The following KLRD1 variants were observed in gnomAD, a reference collection of about 807,000 sequenced individuals.
KLRD1 encodes the protein killer cell lectin like receptor D1.
KLRD1 carries 21 observed loss-of-function variants against 22.6 expected under a neutral mutation model. The observed-to-expected ratio is 0.93, with a 90% CI of 0.66 to 1.34. The LOEUF is 1.34. Among genes scored for constraint, KLRD1 ranks in the 40% most tolerant of loss-of-function variants. The probability of loss-of-function intolerance (pLI) is 0.00; values close to 1 mark genes in which losing one functional copy is unlikely to be tolerated. For synonymous variants in KLRD1, 59 were observed against 71.1 expected, an observed-to-expected ratio of 0.83 and a Z score of 0.85; for missense variants, 183 against 208.6, an observed-to-expected ratio of 0.88 and a Z score of 0.76.
rs1384293477 is a variant in KLRD1, at chr12:10,253,475, A to G, written c.-101+27242A>G. Among the ~76,000 whole-genome samples the G allele has an allele frequency of 7.9e-5, 12 of 152,166 alleles. 1 individual carries two copies. The South Asian group carries it at 2.5e-3, about 32-fold the overall frequency. On this transcript the variant is annotated intron_variant, in intron 1 of 5. Coordinates refer to the KLRD1 transcript ENST00000544747. Reference sequence around the variant, plus strand: ...GTGAAGGTTTGTTACATGGGTAAACATGTGTCATGGGGGTTTGTTGTACAG... The same window carrying G: ...GTGAAGGTTTGTTACATGGGTAAACGTGTGTCATGGGGGTTTGTTGTACAG...
intron 1 of KLRD1, among the ~76,000 whole-genome samples, chr12:10,256,059 T>A (rs373003416): frequency 6.6e-6 from 1 of 152,124 alleles, no homozygotes; most frequent in East Asian, 1.9e-4. Context: ...AATTGACACT[T>A]TTATTAATAT....
At chr12:10,239,650 G>A (rs902892464) in intron 1 of KLRD1, among the ~76,000 whole-genome samples, 2 of 127,972 alleles carry the variant, frequency 1.6e-5, no homozygotes, top group South Asian at 2.6e-4. Context: ...TTGTTTGTTC[G>A]TTCATTTTTG....
Position 10,319,796 on chromosome 12 carries a change from G to A in KLRD1, c.*5003G>A, listed in dbSNP as rs908270726. The stretch of plus-strand genomic sequence containing the variant: ...AACCTCATGAGAGACCCTGAGCTAG[G>A]TCCATCGTGCTATGCTGTTCGAGGA... On this transcript the variant is annotated 3_prime_UTR_variant, in exon 6 of 6. Transcript: ENST00000336164. The A allele has an allele frequency of 5.3e-5, 8 of 151,770 alleles. No homozygotes were observed. Among genetic ancestry groups the A allele is most frequent in the African/African-American group, 1.7e-4 (7 of 41,278 alleles). The allele number at this position is 151,770 out of a possible 1,614,324, so 9.4% of individuals were successfully genotyped here.
At chr12:10,272,840 A>C (rs1044841314) in intron 1 of KLRD1, among the ~76,000 whole-genome samples, 3 of 152,228 alleles carry the variant, frequency 2.0e-5, no homozygotes, top group Admixed American at 2.0e-4. Context: ...TCTAAAGATA[A>C]AATTTTAAAT....
At chr12:10,250,347 A>T (rs1592024595) in intron 1 of KLRD1, among the ~76,000 whole-genome samples, 1 of 152,006 alleles carries the variant, frequency 6.6e-6, no homozygotes, top group South Asian at 2.1e-4. Flanking sequence ...TTTCAGTAAC[A>T]TGTATTATTC....
In KLRD1 at chr12:10,321,863, T is replaced by G. The variant is rs1164119455; in HGVS notation, c.*7070T>G. On this transcript the variant is annotated 3_prime_UTR_variant, in exon 6 of 6. Transcript: ENST00000336164. ...AGAAAATACAACCCAACCTACATTT[T>G]TACTGCAACCTCATGAGGGATCCTG... 1 of 152,202 alleles carries G rather than the reference T, an allele frequency of 6.6e-6. No homozygotes were observed. Among genetic ancestry groups the G allele is most frequent in the Non-Finnish European group, 1.5e-5 (1 of 68,034 alleles). 9.4% of individuals were successfully genotyped at this position (152,202 alleles called of 1,614,324 possible).
At chr12:10,306,616 C>T (rs996551043), upstream of KLRD1, among the ~76,000 whole-genome samples, 37 of 152,084 alleles carry the variant, frequency 2.4e-4, no homozygotes, top group African/African-American at 8.5e-4. Context: ...TCTTCCAGAC[C>T]AGCTTTTTCT....
intron 1 of KLRD1, among the ~76,000 whole-genome samples, chr12:10,242,071 G>GTTTTTTTTTTTTTTTTT (rs72326980): frequency 1.0e-5 from 1 of 99,394 alleles, no homozygotes; most frequent in Non-Finnish European, 1.9e-5. Context: ...TGTTCTTGCT[G>GTTTTTTTTTTTTTTTTT]TTTTTTTTTT....
intron 1 of KLRD1, among the ~76,000 whole-genome samples, chr12:10,260,267 G>A (rs760590645): frequency 3.0e-4 from 45 of 151,564 alleles, no homozygotes; most frequent in Non-Finnish European, 5.7e-4. Flanking sequence ...TCTTTTTGTA[G>A]GTTAGCTTCC....
At position 10,321,037 on chromosome 12, in the gene KLRD1, C is replaced by A. The variant is rs1950307593; in HGVS notation, c.*6244C>A. ...CTTTTATTCAAAAGTAAGAATAATT[C>A]AAAGGACAGAACTAAGAGCCTGTAA... is the stretch of plus-strand genomic sequence containing the variant. On this transcript the variant is annotated 3_prime_UTR_variant, in exon 6 of 6. Transcript: ENST00000336164. 1.3e-5 allele frequency: 2 copies of A among 152,200 alleles called. No individual in the cohort carries two copies. The highest frequency in any genetic ancestry group is 4.2e-4 in the South Asian group (2 of 4,804). The allele number at this position is 152,200 out of a possible 1,614,324, so 9.4% of individuals were successfully genotyped here.
intron 1 of KLRD1, among the ~76,000 whole-genome samples, chr12:10,250,227 T>TAG (rs1949333419): frequency 3.9e-5 from 1 of 25,784 alleles, no homozygotes; most frequent in East Asian, 1.4e-3. Flanking sequence ...TTTTTTTTTT[T>TAG]AGGGGGGCTG....
At chr12:10,253,026 ATTTCT>A (rs1949359637) in intron 1 of KLRD1, among the ~76,000 whole-genome samples, 1 of 152,022 alleles carries the variant, frequency 6.6e-6, no homozygotes, top group African/African-American at 2.4e-5. Context: ...TGCATAAAAC[ATTTCT>A]TATCTAATGC....
chr12:10,263,096 A>G (rs1007445674), intron 1 of KLRD1, among the ~76,000 whole-genome samples: 1 of 152,020 alleles, frequency 6.6e-6, no homozygotes, highest in Admixed American at 6.6e-5. Flanking sequence ...CCTTCTTCAC[A>G]GTAACATAGC....
chr12:10,315,365 A>G lies in KLRD1; in HGVS notation c.*572A>G. On this transcript the variant is annotated 3_prime_UTR_variant, in exon 6 of 6. Transcript: ENST00000336164. ...GGTCTTGAACTCCTGGCCTCAAGGGATTCTCCCACCTTGGATTCCCAAAGT... is the reference window on the plus strand; with the variant it reads ...GGTCTTGAACTCCTGGCCTCAAGGGGTTCTCCCACCTTGGATTCCCAAAGT... The G allele has an allele frequency of 2.5e-6, 1 of 393,400 alleles. No individual in the cohort carries two copies. Among genetic ancestry groups the G allele is most frequent in the Non-Finnish European group, 5.1e-6 (1 of 197,370 alleles). The allele number at this position is 393,400 out of a possible 1,614,324, so 24.4% of individuals were successfully genotyped here.
chr12:10,265,082 AAC>A (rs144841030), intron 1 of KLRD1, among the ~76,000 whole-genome samples: 3 of 151,726 alleles, frequency 2.0e-5, no homozygotes, highest in African/African-American at 2.4e-5. Flanking sequence ...CATACATGCA[AAC>A]ACACACACAC....
chr12:10,312,051 C>CTTTT, intron 4 of KLRD1, among the ~76,000 whole-genome samples: 1 of 123,194 alleles, frequency 8.1e-6, no homozygotes, highest in Non-Finnish European at 1.7e-5. Context: ...CTTTTCTTTT[C>CTTTT]TTTTTTTTTT....
intron 1 of KLRD1, among the ~76,000 whole-genome samples, chr12:10,264,898 T>G (rs1310778877): frequency 6.6e-6 from 1 of 152,030 alleles, no homozygotes; most frequent in East Asian, 1.9e-4. Flanking sequence ...TACTCTCTGT[T>G]TCTCTAAGTT....
upstream of KLRD1, among the ~76,000 whole-genome samples, chr12:10,300,796 T>C (rs1949860087): frequency 6.6e-6 from 1 of 152,252 alleles, no homozygotes; most frequent in African/African-American, 2.4e-5. Flanking sequence ...CTTTCATCAA[T>C]TAGTTTTGCT....
intron 1 of KLRD1, among the ~76,000 whole-genome samples, chr12:10,251,260 G>A (rs1949343898): frequency 6.6e-6 from 1 of 152,028 alleles, no homozygotes; most frequent in African/African-American, 2.4e-5. Flanking sequence ...GAGTAGCTGC[G>A]ATTACAGGCA....
Sources: gnomAD v4.1 joint callset for allele counts (sites outside exome capture counted in the v4.1 genomes callset) on GRCh38, gnomAD v4.1.1 for gene constraint, MANE v1.5 for transcripts, NCBI Gene and HGNC (gene_info 2026-07-23, HGNC 2026-07-21) for gene names.